The following JAZF1 variants were observed in gnomAD, a reference collection of about 807,000 sequenced individuals.
JAZF1 encodes juxtaposed with another zinc finger protein 1.
JAZF1 carries 8 observed loss-of-function variants against 26.4 expected under a neutral mutation model. The ratio of observed to expected loss-of-function variants is 0.30; its 90% CI spans 0.18 to 0.55. JAZF1 has a LOEUF of 0.55. Among genes scored for constraint, JAZF1 ranks in the 20% least tolerant of loss-of-function variants. The probability of loss-of-function intolerance (pLI) is 0.94; values close to 1 mark genes in which losing one functional copy is unlikely to be tolerated. For synonymous variants in JAZF1, 126 were observed against 122.3 expected, an observed-to-expected ratio of 1.03 and a Z score of -0.20; for missense variants, 199 against 322.0, an observed-to-expected ratio of 0.62 and a Z score of 2.92.
chr7:27,976,748 A>G (rs1422202632), intron 2 of JAZF1, among the ~76,000 whole-genome samples: 1 of 152,178 alleles, frequency 6.6e-6, no homozygotes, highest in African/African-American at 2.4e-5. Flanking sequence ...CAAATGCTTC[A>G]GGCTTGTTTG....
chr7:27,989,788 G>A (rs558998075), intron 2 of JAZF1, among the ~76,000 whole-genome samples: 50 of 152,248 alleles, frequency 3.3e-4, no homozygotes, highest in African/African-American at 8.7e-4. Context: ...GAAACAACAG[G>A]TGCTGGAGAG....
intron 1 of JAZF1, among the ~76,000 whole-genome samples, chr7:28,030,162 T>C (rs1203799533): frequency 6.6e-6 from 1 of 152,198 alleles, no homozygotes; most frequent in Non-Finnish European, 1.5e-5. Flanking sequence ...GGAGAATGTT[T>C]CTAAAGAATT....
At chr7:27,936,990 T>C (rs965708330) in intron 2 of JAZF1, among the ~76,000 whole-genome samples, 1 of 152,234 alleles carries the variant, frequency 6.6e-6, no homozygotes, top group African/African-American at 2.4e-5. Flanking sequence ...GCTTTACAGT[T>C]TTAATGTTTA....
intron 2 of JAZF1, among the ~76,000 whole-genome samples, chr7:27,960,240 C>T (rs1489941601): frequency 6.6e-6 from 1 of 152,220 alleles, no homozygotes; most frequent in Non-Finnish European, 1.5e-5. Context: ...ATTCATGTGT[C>T]TCCTTTAAAT....
At chr7:27,899,240 C>T (rs1784125357) in intron 2 of JAZF1, among the ~76,000 whole-genome samples, 1 of 152,202 alleles carries the variant, frequency 6.6e-6, no homozygotes. Context: ...GCCAAGGAGG[C>T]ACAGCAAAGG....
intron 1 of JAZF1, among the ~76,000 whole-genome samples, chr7:28,031,009 A>AAT (rs1387683171): frequency 2.0e-5 from 3 of 152,202 alleles, no homozygotes; most frequent in Non-Finnish European, 2.9e-5. Flanking sequence ...GTTCCCAGGC[A>AAT]TCTCATCAAT....
intron 3 of JAZF1, among the ~76,000 whole-genome samples, chr7:27,873,349 T>C (rs1783619008): frequency 6.6e-6 from 1 of 152,174 alleles, no homozygotes; most frequent in African/African-American, 2.4e-5. Flanking sequence ...ATTAGTTACT[T>C]TGCTTATTAA....
chr7:27,909,662 C>A (rs113157309), intron 2 of JAZF1, among the ~76,000 whole-genome samples: 7 of 152,108 alleles, frequency 4.6e-5, no homozygotes, highest in African/African-American at 1.4e-4. Flanking sequence ...AGCTGAGATC[C>A]GCCACTGCCC....
rs191462541 is a variant in JAZF1 at position 27,896,824 on chromosome 7, T to C, written c.189-1408A>G. Among the ~76,000 whole-genome samples the C allele has an allele frequency of 3.7e-3, 562 of 152,376 alleles. 3 individuals are homozygous for C. Among genetic ancestry groups the C allele is most frequent in the African/African-American group, 0.013 (543 of 41,604 alleles). On this transcript the variant is annotated intron_variant, in intron 2 of 4. Coordinates refer to ENST00000283928, the MANE Select transcript of JAZF1 (RefSeq NM_175061.4). ...TGCAATATAATCCAGATATATAAAC[T>C]GGATTTTATATGCTGAACTGAGCTT...
At chr7:27,940,315 G>A (rs957660842) in intron 2 of JAZF1, among the ~76,000 whole-genome samples, 2 of 151,684 alleles carry the variant, frequency 1.3e-5, no homozygotes, top group African/African-American at 4.8e-5. Context: ...TGCTCTCCCC[G>A]CCACCCCCCG....
intron 1 of JAZF1, among the ~76,000 whole-genome samples, chr7:28,084,584 T>C (rs1286191089): frequency 6.6e-6 from 1 of 152,228 alleles, no homozygotes; most frequent in Non-Finnish European, 1.5e-5. Flanking sequence ...TGGGTTCTTT[T>C]AGTCTTTCTG....
chr7:27,890,300 C>T (rs1022045108), intron 3 of JAZF1, among the ~76,000 whole-genome samples: 5 of 152,212 alleles, frequency 3.3e-5, no homozygotes, highest in Non-Finnish European at 7.3e-5. Flanking sequence ...TATTTAACAA[C>T]CGGCTATCTG....
chr7:27,967,759 C>G (rs926762711), intron 2 of JAZF1, among the ~76,000 whole-genome samples: 1 of 152,154 alleles, frequency 6.6e-6, no homozygotes, highest in African/African-American at 2.4e-5. Context: ...ATAAATTGCT[C>G]TATATACCAC....
At chr7:28,130,723 C>T (rs943446125) in intron 1 of JAZF1, among the ~76,000 whole-genome samples, 3 of 152,186 alleles carry the variant, frequency 2.0e-5, no homozygotes, top group Admixed American at 2.0e-4. Flanking sequence ...TCGAGTGGTA[C>T]TCCAATGTGA....
chr7:28,121,424 C>A (rs1299450737), intron 1 of JAZF1, among the ~76,000 whole-genome samples: 1 of 152,108 alleles, frequency 6.6e-6, no homozygotes, highest in Non-Finnish European at 1.5e-5. Context: ...CTGGTAGAGT[C>A]CAGGAATCAT....
chr7:27,969,657 C>T (rs1462971718), intron 2 of JAZF1, among the ~76,000 whole-genome samples: 1 of 152,162 alleles, frequency 6.6e-6, no homozygotes, highest in African/African-American at 2.4e-5. Flanking sequence ...TTATCTGCAA[C>T]TGGAGACAAT....
chr7:28,058,452 A>G (rs2128381943), intron 1 of JAZF1, among the ~76,000 whole-genome samples: 1 of 152,234 alleles, frequency 6.6e-6, no homozygotes, highest in Admixed American at 6.5e-5. Flanking sequence ...AACCAAGGCC[A>G]CTGCTTCACT....
intron 1 of JAZF1, among the ~76,000 whole-genome samples, chr7:28,177,408 CTTAA>C (rs770221654): frequency 6.6e-6 from 1 of 152,160 alleles, no homozygotes; most frequent in Non-Finnish European, 1.5e-5. Context: ...ACTTAATGCA[CTTAA>C]TTAATCCAAA....
At chr7:27,916,991 T>G (rs1784452363) in intron 2 of JAZF1, among the ~76,000 whole-genome samples, 1 of 152,104 alleles carries the variant, frequency 6.6e-6, no homozygotes, top group South Asian at 2.1e-4. Context: ...GAAATTCCAG[T>G]ACTTTGGGAG....
Sources: allele counts gnomAD v4.1 joint callset (sites outside exome capture counted in the v4.1 genomes callset), GRCh38; gene constraint gnomAD v4.1.1; transcripts MANE v1.5; gene names NCBI Gene and HGNC (gene_info 2026-07-23, HGNC 2026-07-21).